Variants in IMMP2L observed in about 807,000 individuals in gnomAD.
IMMP2L encodes mitochondrial inner membrane protease subunit 2.
A neutral mutation model predicts 19.3 loss-of-function variants in IMMP2L; 18 were observed. The observed-to-expected ratio is 0.93, with a 90% CI of 0.64 to 1.38. The LOEUF (loss-of-function observed/expected upper bound fraction) is 1.38, where lower values mean the gene tolerates loss of function less well. Ranked by LOEUF, IMMP2L falls within the 40% of genes most tolerant of loss-of-function variation. The probability of loss-of-function intolerance (pLI) is 0.00; values close to 1 mark genes in which losing one functional copy is unlikely to be tolerated. For synonymous variants in IMMP2L, 76 were observed against 73.0 expected, an observed-to-expected ratio of 1.04 and a Z score of -0.21; for missense variants, 233 against 218.2, an observed-to-expected ratio of 1.07 and a Z score of -0.43.
intron 2 of IMMP2L, among the ~76,000 whole-genome samples, chr7:111,505,854 A>G (rs1844839808): frequency 2.0e-5 from 3 of 152,102 alleles, no homozygotes; most frequent in African/African-American, 7.2e-5. Context: ...TAGCATTAGG[A>G]GATATATGTA....
At chr7:111,556,757 C>T (rs1015630266) in intron 1 of IMMP2L, among the ~76,000 whole-genome samples, 1 of 152,100 alleles carries the variant, frequency 6.6e-6, no homozygotes, top group Non-Finnish European at 1.5e-5. Flanking sequence ...TCTTTCTATA[C>T]AATTCCTCTA....
intron 3 of IMMP2L, among the ~76,000 whole-genome samples, chr7:111,011,970 T>A (rs1274290006): frequency 6.6e-6 from 1 of 152,074 alleles, no homozygotes; most frequent in Non-Finnish European, 1.5e-5. Flanking sequence ...TGGAGCCCAC[T>A]TTTCCAGAAC....
chr7:111,483,062 G>A (rs1449816118), intron 3 of IMMP2L, among the ~76,000 whole-genome samples: 5 of 152,212 alleles, frequency 3.3e-5, no homozygotes, highest in African/African-American at 4.8e-5. Context: ...AGACCTATTC[G>A]TCTAATAAGA....
intron 2 of IMMP2L, among the ~76,000 whole-genome samples, chr7:111,493,294 T>C (rs1397333310): frequency 2.0e-5 from 3 of 152,142 alleles, no homozygotes; most frequent in Non-Finnish European, 2.9e-5. Flanking sequence ...CTAACACTTA[T>C]GAATATCAAC....
At chr7:111,194,987 A>G (rs1809315770) in intron 3 of IMMP2L, among the ~76,000 whole-genome samples, 1 of 152,106 alleles carries the variant, frequency 6.6e-6, no homozygotes, top group African/African-American at 2.4e-5. Context: ...AATGTGTTTC[A>G]GTGAATTGTT....
intron 5 of IMMP2L, among the ~76,000 whole-genome samples, chr7:110,825,392 CA>C (rs1803386085): frequency 1.3e-5 from 2 of 151,992 alleles, no homozygotes; most frequent in Admixed American, 6.6e-5. Flanking sequence ...AATCCTAAGC[CA>C]AAACAACAGA....
intron 3 of IMMP2L, among the ~76,000 whole-genome samples, chr7:111,333,933 T>A (rs977719568): frequency 3.9e-5 from 6 of 152,044 alleles, no homozygotes; most frequent in Admixed American, 3.3e-4. Context: ...ATCTAACTTA[T>A]TAGTTCTCTC....
chr7:111,106,853 T>C (rs1310703038), intron 3 of IMMP2L, among the ~76,000 whole-genome samples: 1 of 151,502 alleles, frequency 6.6e-6, no homozygotes. Context: ...AATTTAAAAA[T>C]AATTGGAGAA....
At chr7:111,508,911 G>C (rs925548973) in intron 2 of IMMP2L, among the ~76,000 whole-genome samples, 20 of 152,048 alleles carry the variant, frequency 1.3e-4, no homozygotes, top group Admixed American at 1.0e-3. Flanking sequence ...TATCTGCCTA[G>C]GCATTTGGCT....
At chr7:110,964,025 G>A (rs2129555652) in intron 3 of IMMP2L, among the ~76,000 whole-genome samples, 1 of 151,840 alleles carries the variant, frequency 6.6e-6, no homozygotes, top group Non-Finnish European at 1.5e-5. Flanking sequence ...GTTCTCACGA[G>A]ATTTTATGAT....
In IMMP2L at chr7:111,446,113, G is replaced by A. The variant is rs568491472; in HGVS notation, c.239+41125C>T. On this transcript the variant is annotated intron_variant, in intron 3 of 5. Transcript: ENST00000405709. Reference sequence around the variant, plus strand: ...GCAGTCTGAGATCAAACTGCAAGGCGGCAGCAAGGCTGGGGGAGGGGCGCC... The same window carrying A: ...GCAGTCTGAGATCAAACTGCAAGGCAGCAGCAAGGCTGGGGGAGGGGCGCC... 2.2e-3 allele frequency among the ~76,000 whole-genome samples: 320 copies of A among 148,052 alleles called. 5 individuals are homozygous for A. Among genetic ancestry groups the A allele is most frequent in the South Asian group, 3.7e-3 (17 of 4,584 alleles).
intron 3 of IMMP2L, among the ~76,000 whole-genome samples, chr7:111,299,576 A>G (rs1181680150): frequency 3.2e-4 from 21 of 65,578 alleles, no homozygotes; most frequent in Middle Eastern, 8.3e-3. Context: ...TGAAGCAGAA[A>G]AAAAAAAAAA....
At chr7:110,827,476 C>T (rs1000321567) in intron 5 of IMMP2L, among the ~76,000 whole-genome samples, 3 of 152,124 alleles carry the variant, frequency 2.0e-5, no homozygotes, top group African/African-American at 7.2e-5. Flanking sequence ...AGGGCCTGAG[C>T]CCCATGATGA....
chr7:111,188,347 T>C (rs952036614), intron 3 of IMMP2L, among the ~76,000 whole-genome samples: 1 of 152,156 alleles, frequency 6.6e-6, no homozygotes, highest in African/African-American at 2.4e-5. Flanking sequence ...GATCAGAATG[T>C]CAGCTTGGTC....
chr7:111,343,970 A>G (rs1827284196), intron 3 of IMMP2L, among the ~76,000 whole-genome samples: 1 of 152,058 alleles, frequency 6.6e-6, no homozygotes. Flanking sequence ...TACAACCCAA[A>G]AAGTCTCGGT....
chr7:110,973,292 T>C (rs1030948366), intron 3 of IMMP2L, among the ~76,000 whole-genome samples: 1 of 152,116 alleles, frequency 6.6e-6, no homozygotes, highest in Non-Finnish European at 1.5e-5. Flanking sequence ...TAAAAACATA[T>C]AATTTTTAGT....
rs1009829811 is a variant in IMMP2L, at chr7:111,420,072, T to C, written c.239+67166A>G. Among the ~76,000 whole-genome samples the C allele has an allele frequency of 1.6e-4, 24 of 151,872 alleles. 1 individual carries two copies. Among genetic ancestry groups the C allele is most frequent in the Non-Finnish European group, 2.2e-4 (15 of 68,022 alleles). ...ATTGAACTGTACACTTAAAGATGGT[T>C]AAAATGGTACATTACATGTTATATA... On this transcript the variant is annotated intron_variant, in intron 3 of 5. Coordinates refer to ENST00000405709, the MANE Select transcript of IMMP2L (RefSeq NM_032549.4).
At chr7:110,693,909 G>T (rs1006368113) in intron 5 of IMMP2L, among the ~76,000 whole-genome samples, 21 of 152,118 alleles carry the variant, frequency 1.4e-4, no homozygotes, top group African/African-American at 5.1e-4. Flanking sequence ...TGCAAGGGAG[G>T]CTATAGAGAC....
At chr7:110,850,910 C>T (rs1284377998) in intron 5 of IMMP2L, among the ~76,000 whole-genome samples, 1 of 150,874 alleles carries the variant, frequency 6.6e-6, no homozygotes, top group Non-Finnish European at 1.5e-5. Context: ...AAATATGCCT[C>T]AATTAAAAAG....
Sources: gnomAD v4.1 joint callset for allele counts (sites outside exome capture counted in the v4.1 genomes callset) on GRCh38, gnomAD v4.1.1 for gene constraint, MANE v1.5 for transcripts, NCBI Gene and HGNC (gene_info 2026-07-23, HGNC 2026-07-21) for gene names.